NOLC1: variants seen among roughly 807,000 people sequenced by gnomAD.
NOLC1 encodes 140 kDa nucleolar phosphoprotein.
In NOLC1, 37 loss-of-function variants were observed where a neutral mutation model predicts 73.4. The observed-to-expected ratio is 0.50, with a 90% CI of 0.39 to 0.66. The LOEUF (loss-of-function observed/expected upper bound fraction) is 0.66. NOLC1 is among the 30% of genes least tolerant of loss of function. NOLC1 has a pLI of 0.00. For synonymous variants in NOLC1, 327 were observed against 302.6 expected (o/e 1.08, Z -0.84); for missense variants, 921 against 838.9 (o/e 1.10, Z -1.21).
Position 102,157,169 on chromosome 10 carries a change from G to C in NOLC1, c.177-20G>C, listed in dbSNP as rs764610894. The C allele has an allele frequency of 1.2e-6, 2 of 1,613,792 alleles. No homozygotes were observed. Among genetic ancestry groups the C allele is most frequent in the African/African-American group, 1.3e-5 (1 of 74,880 alleles). On this transcript the variant is annotated intron_variant, in intron 2 of 12. Coordinates refer to ENST00000605788, the MANE Select transcript of NOLC1 (RefSeq NM_004741.5). ...GGAAGATTCCAGTCCCCTAGAAATT[G>C]GTCCAATCTACCTCAGCAGGTCTGC... is the stretch of plus-strand genomic sequence containing the variant.
chr10:102,161,114 C>G, intron 10 of NOLC1, 21 bp downstream of exon 10: 1 of 1,572,618 alleles, frequency 6.4e-7, no homozygotes, highest in Non-Finnish European at 8.6e-7. Flanking sequence ...AATGAACATG[C>G]CCTCTGGGTT....
At position 102,157,443 on chromosome 10, in the gene NOLC1, A is replaced by G. The variant is rs773715160; in HGVS notation, c.329A>G (p.Lys110Arg). The G allele has an allele frequency of 1.4e-5, 23 of 1,614,060 alleles. 1 individual carries two copies. The East Asian group carries it at 1.8e-4, about 13-fold the overall frequency. The change falls in exon 4 of 13, where the codon AAG becomes AGG. Residue 110 changes from lysine to arginine, a missense_variant. Physicochemically the swap from Lys to Arg is conservative, Grantham distance 26. Coordinates refer to ENST00000605788, the MANE Select transcript of NOLC1 (RefSeq NM_004741.5). ...TGTGTTTGTTCAGCTGTACCTGCCA[A>G]GCGAGTCGGTCTGCCTCCTGGGAAG... Reference protein sequence around the residue: ...PPAKKAAVPAKRVGLPPGKAA... With the variant: ...PPAKKAAVPARRVGLPPGKAA...
chr10:102,159,240 A>G lies in NOLC1; in HGVS notation c.655A>G (p.Ser219Gly). ...IANGKAASSS[S>G]SSSSSSSSDD... is the part of the protein sequence containing the mutation. ...CAATGGTAAAGCAGCCAGTAGCAGC[A>G]GTAGCAGCAGCAGCAGCAGTAGCAG... The change falls in exon 6 of 13, where the codon AGT becomes GGT. Residue 219 changes from serine to glycine, a missense_variant. Physicochemically the swap from Ser to Gly is moderately conservative, Grantham distance 56. Transcript: ENST00000605788. 6.2e-7 allele frequency: 1 copy of G among 1,613,386 alleles called. No homozygotes were observed. The highest frequency in any genetic ancestry group is 8.5e-7 in the Non-Finnish European group (1 of 1,179,428).
In NOLC1 at chr10:102,161,675, ACTTT is replaced by A. The variant is rs748937824; in HGVS notation, c.1848+17_1848+20del. 10 of 1,604,964 alleles carry A rather than the reference ACTTT, an allele frequency of 6.2e-6. No individual in the cohort carries two copies. Among genetic ancestry groups the A allele is most frequent in the Admixed American group, 3.4e-5 (2 of 59,630 alleles). Reference sequence around the variant, plus strand: ...AAAAAGGAAGAAAGTAAGTTGTCTCACTTTCTTCTCAGGAGCCAGCTCTTTAAAA... The same window carrying A: ...AAAAAGGAAGAAAGTAAGTTGTCTCACTTCTCAGGAGCCAGCTCTTTAAAA... On this transcript the variant is annotated intron_variant, in intron 11 of 12. Transcript: ENST00000605788.
intron 1 of NOLC1, among the ~76,000 whole-genome samples, chr10:102,153,035 T>C (rs1055499720): frequency 6.6e-6 from 1 of 152,218 alleles, no homozygotes; most frequent in African/African-American, 2.4e-5. Flanking sequence ...TGTTTTGAGT[T>C]ACACTGAGAA....
chr10:102,158,289 G>T, intron 5 of NOLC1, 75 bp downstream of exon 5: 2 of 1,344,968 alleles, frequency 1.5e-6, no homozygotes, highest in African/African-American at 1.5e-5. Context: ...TTGCCGATTT[G>T]GCACAGGGGT....
At chr10:102,161,776 CAGG>C in intron 11 of NOLC1, 54 bp from the exon 12 acceptor site, 1 of 1,550,542 alleles carries the variant, frequency 6.4e-7, no homozygotes, top group East Asian at 2.2e-5. Context: ...GTGTATCACT[CAGG>C]AGAACTGTTA....
At chr10:102,156,169 A>G (rs188399362) in intron 1 of NOLC1, among the ~76,000 whole-genome samples, 3 of 152,362 alleles carry the variant, frequency 2.0e-5, no homozygotes, top group East Asian at 3.9e-4. Flanking sequence ...ATTTGGTATT[A>G]TAATCCACAT....
chr10:102,154,928 T>TG (rs2069566094), intron 1 of NOLC1, among the ~76,000 whole-genome samples: 3 of 152,050 alleles, frequency 2.0e-5, no homozygotes, highest in Admixed American at 6.5e-5. Flanking sequence ...CAATCATACT[T>TG]CGCTGTAGCA....
At chr10:102,157,623 T>C in intron 4 of NOLC1, 68 bp downstream of exon 4, 1 of 1,545,594 alleles carries the variant, frequency 6.5e-7, no homozygotes, top group Non-Finnish European at 8.7e-7. Flanking sequence ...TCTTGGCCTC[T>C]AGCTTGTAAC....
intron 1 of NOLC1, 112 bp from the exon 2 acceptor site, chr10:102,156,907 G>A: frequency 9.9e-7 from 1 of 1,011,028 alleles, no homozygotes; most frequent in Non-Finnish European, 1.5e-6. Flanking sequence ...AAAGTTTTAT[G>A]AAGATGTAAC....
intron 5 of NOLC1, 151 bp downstream of exon 5, chr10:102,158,365 A>G (rs2069636447): frequency 2.0e-6 from 1 of 512,806 alleles, no homozygotes; most frequent in East Asian, 3.3e-5. Context: ...AGGTTTTACT[A>G]ATAAATAACA....
In NOLC1 at chr10:102,162,166, A is replaced by G. The variant is rs763733547; in HGVS notation, c.1997A>G (p.Lys666Arg). Residue 666 changes from lysine (K) to arginine (R), a missense_variant, in exon 13 of 13, where the codon AAA (lysine) becomes AGA (arginine). Physicochemically the swap from Lys to Arg is conservative, Grantham distance 26 (BLOSUM62 2). Coordinates refer to ENST00000605788, the MANE Select transcript of NOLC1 (RefSeq NM_004741.5). ...ERANQVLKFT[K>R]GKSFRHEKTK... The stretch of plus-strand genomic sequence containing the variant: ...GCCAATCAGGTTTTGAAGTTCACCA[A>G]AGGCAAGTCCTTTCGGCATGAGAAA... 1.5e-5 allele frequency: 24 copies of G among 1,614,006 alleles called. 1 individual carries two copies. In the East Asian group the frequency reaches 4.7e-4, roughly 31 times the overall value.
At chr10:102,155,506 G>A (rs1174853842) in intron 1 of NOLC1, among the ~76,000 whole-genome samples, 2 of 150,626 alleles carry the variant, frequency 1.3e-5, no homozygotes, top group Non-Finnish European at 3.0e-5. Flanking sequence ...ACCTGCGCCC[G>A]GCCTGAATGC....
At chr10:102,155,328 A>T (rs959131493) in intron 1 of NOLC1, among the ~76,000 whole-genome samples, 9 of 151,464 alleles carry the variant, frequency 5.9e-5, no homozygotes, top group African/African-American at 2.2e-4. Context: ...AGGCCAAGCA[A>T]CCGCAGTGCC....
chr10:102,161,203 G>C, intron 10 of NOLC1, 110 bp downstream of exon 10: 1 of 1,147,662 alleles, frequency 8.7e-7, no homozygotes, highest in Non-Finnish European at 1.2e-6. Context: ...GCTTCCAGTT[G>C]TGGAAACTGG....
At position 102,160,973 on chromosome 10, in the gene NOLC1, C is replaced by A. The variant is rs748538238; in HGVS notation, c.1621C>A (p.Pro541Thr). 5 of 1,614,132 alleles carry A rather than the reference C, an allele frequency of 3.1e-6. No individual in the cohort carries two copies. The South Asian group carries it at 5.5e-5, about 18-fold the overall frequency. ...GCTCAAGGGCAAGGGCTCTCCAAGA[C>A]CACAAGCCCCCAAGGCCAATGGCAC... ...EKLKGKGSPR[P>T]QAPKANGTSA... The change falls in exon 10 of 13, where the codon CCA becomes ACA. Residue 541 changes from proline to threonine, a missense_variant. Transcript: ENST00000605788.
In NOLC1 at chr10:102,152,486, C is replaced by G. The variant is rs1228560312; in HGVS notation, c.76C>G (p.Gln26Glu). ...CGTGCTCGGCTTCCTGCGCGATAAC[C>G]AACTCTCAGAGGTGGCCAATAAGTT... ...PLVLGFLRDN[Q>E]LSEVANKFAK... The change falls in exon 1 of 13, where the codon CAA (glutamine) becomes GAA (glutamate). Residue 26 changes from glutamine (Q) to glutamate (E), a missense_variant. Coordinates refer to ENST00000605788, the MANE Select transcript of NOLC1 (RefSeq NM_004741.5). 1.2e-6 allele frequency: 2 copies of G among 1,613,862 alleles called. No homozygotes were observed. Among genetic ancestry groups the G allele is most frequent in the African/African-American group, 1.3e-5 (1 of 75,078 alleles).
At position 102,159,248 on chromosome 10, in the gene NOLC1, C is replaced by G; in HGVS notation, c.663C>G (p.Ser221Arg). 1.3e-5 allele frequency: 21 copies of G among 1,613,382 alleles called. No homozygotes were observed. Among genetic ancestry groups the G allele is most frequent in the Non-Finnish European group, 1.7e-5 (20 of 1,179,428 alleles). ...AAGCAGCCAGTAGCAGCAGTAGCAG[C>G]AGCAGCAGCAGTAGCAGTGATGACT... is the stretch of plus-strand genomic sequence containing the variant. ...NGKAASSSSS[S>R]SSSSSSDDSE... Residue 221 changes from serine (S) to arginine (R), a missense_variant, in exon 6 of 13, where the codon AGC becomes AGG. Physicochemically the swap from Ser to Arg is moderately radical, Grantham distance 110. Transcript: ENST00000605788.
Sources: gnomAD v4.1 joint callset for allele counts (sites outside exome capture counted in the v4.1 genomes callset) on GRCh38, gnomAD v4.1.1 for gene constraint, MANE v1.5 for transcripts, NCBI Gene and HGNC (gene_info 2026-07-23, HGNC 2026-07-21) for gene names.